CNTNAP2: variants seen among roughly 807,000 people sequenced by gnomAD.
CNTNAP2 encodes the protein contactin-associated protein-like 2.
In CNTNAP2, 98 loss-of-function variants were observed where a neutral mutation model predicts 155.2. The observed-to-expected ratio is 0.63, with a 90% CI of 0.54 to 0.75. CNTNAP2 has a LOEUF of 0.75. CNTNAP2 is among the 30% of genes least tolerant of loss of function. CNTNAP2 has a pLI of 0.00. For missense variants in CNTNAP2, 1,727 were observed against 1,688.1 expected (o/e 1.02, Z -0.40); for synonymous variants, 651 against 631.2 (o/e 1.03, Z -0.47).
At chr7:147,666,884 C>T (rs1795705216) in intron 13 of CNTNAP2, among the ~76,000 whole-genome samples, 2 of 152,054 alleles carry the variant, frequency 1.3e-5, no homozygotes, top group South Asian at 4.2e-4. Flanking sequence ...AGAATGAGAA[C>T]AAAATGATGG....
intron 14 of CNTNAP2, among the ~76,000 whole-genome samples, chr7:147,940,747 T>C (rs954824910): frequency 6.6e-6 from 1 of 152,088 alleles, no homozygotes; most frequent in African/African-American, 2.4e-5. Context: ...TTGCCCAGGA[T>C]GGTTGGTCTA....
chr7:148,102,561 G>C (rs372166163), intron 15 of CNTNAP2, among the ~76,000 whole-genome samples: 22 of 152,326 alleles, frequency 1.4e-4, no homozygotes, highest in East Asian at 1.2e-3. Flanking sequence ...GGAAATGTAA[G>C]TGAAATCCCA....
chr7:146,774,278 T>C lies in CNTNAP2; in HGVS notation c.105T>C (p.Cys35=). The C allele has an allele frequency of 6.2e-7, 1 of 1,613,396 alleles. No individual in the cohort carries two copies. The highest frequency in any genetic ancestry group is 2.2e-5 in the East Asian group (1 of 44,854). Residue 35 remains cysteine, a synonymous_variant, in exon 2 of 24, where the codon TGT becomes TGC. Transcript: ENST00000361727. ...AWTAPSTSQK[C]DEPLVSGLPH... is the part of the protein sequence containing the mutation. ...TCTGTCTTTTGTTTTCAGAAAAATGTGATGAGCCACTTGTCTCTGGACTCC... is the reference window on the plus strand; with the variant it reads ...TCTGTCTTTTGTTTTCAGAAAAATGCGATGAGCCACTTGTCTCTGGACTCC...
chr7:146,721,875 G>GTGTGTATATATATATA (rs1332551916), intron 1 of CNTNAP2, among the ~76,000 whole-genome samples: 1 of 76,698 alleles, frequency 1.3e-5, no homozygotes, highest in African/African-American at 1.8e-4. Context: ...GTGTGTGTGT[G>GTGTGTATATATATATA]TATATATATA....
intron 2 of CNTNAP2, among the ~76,000 whole-genome samples, chr7:146,782,997 T>A (rs1802516557): frequency 6.6e-6 from 1 of 152,174 alleles, no homozygotes; most frequent in Admixed American, 6.5e-5. Context: ...TCATAATAAT[T>A]TAAAAATTAG....
chr7:147,536,708 G>A (rs1310872901), intron 11 of CNTNAP2, among the ~76,000 whole-genome samples: 2 of 152,230 alleles, frequency 1.3e-5, no homozygotes, highest in East Asian at 1.9e-4. Context: ...AACACGCAGC[G>A]TTCTCTGACT....
In CNTNAP2 at chr7:148,373,018, C is replaced by T. The variant is rs574646565; in HGVS notation, c.3476-10631C>T. Among the ~76,000 whole-genome samples, 375 of 152,310 alleles carry T rather than the reference C, an allele frequency of 2.5e-3. 2 individuals are homozygous for T. The highest frequency in any genetic ancestry group is 8.1e-3 in the African/African-American group (337 of 41,568). ...CATCAATACCACTGTCTTCCACCTGCACACCTTGTCACACTGGGAGGTCTT... is the reference window on the plus strand; with the variant it reads ...CATCAATACCACTGTCTTCCACCTGTACACCTTGTCACACTGGGAGGTCTT... On this transcript the variant is annotated intron_variant, in intron 21 of 23. Coordinates refer to ENST00000361727, the MANE Select transcript of CNTNAP2 (RefSeq NM_014141.6).
intron 17 of CNTNAP2, among the ~76,000 whole-genome samples, chr7:148,170,532 T>G (rs1366460195): frequency 6.6e-6 from 1 of 152,214 alleles, no homozygotes; most frequent in Admixed American, 6.5e-5. Context: ...TTTAATAACT[T>G]CTTTTGCCAT....
At chr7:147,949,092 T>C in intron 14 of CNTNAP2, among the ~76,000 whole-genome samples, 1 of 151,322 alleles carries the variant, frequency 6.6e-6, no homozygotes, top group Non-Finnish European at 1.5e-5. Flanking sequence ...TCCCAGCTAC[T>C]CAGGAGGCTG....
intron 1 of CNTNAP2, among the ~76,000 whole-genome samples, chr7:146,435,408 A>G (rs954964013): frequency 2.0e-5 from 3 of 152,200 alleles, no homozygotes; most frequent in African/African-American, 7.2e-5. Flanking sequence ...TTTCCATTTC[A>G]GTTCTGCGTC....
At chr7:148,162,203 T>A (rs1303627894) in intron 17 of CNTNAP2, among the ~76,000 whole-genome samples, 1 of 152,182 alleles carries the variant, frequency 6.6e-6, no homozygotes, top group Non-Finnish European at 1.5e-5. Context: ...AGAAAGAGGA[T>A]GCTTATTTTA....
chr7:147,483,224 TAAA>T (rs1326583857), intron 10 of CNTNAP2, among the ~76,000 whole-genome samples: 1 of 90,126 alleles, frequency 1.1e-5, no homozygotes, highest in Non-Finnish European at 2.4e-5. Context: ...AGAAAAAAAT[TAAA>T]AATAATACGA....
chr7:147,822,437 A>G (rs1798376772), intron 13 of CNTNAP2, among the ~76,000 whole-genome samples: 1 of 152,278 alleles, frequency 6.6e-6, no homozygotes, highest in East Asian at 1.9e-4. Flanking sequence ...ATAAATCCAA[A>G]AAGAGTCTAT....
chr7:147,044,940 C>T (rs1799328377), intron 4 of CNTNAP2, among the ~76,000 whole-genome samples: 1 of 152,066 alleles, frequency 6.6e-6, no homozygotes, highest in African/African-American at 2.4e-5. Flanking sequence ...TTATTTGCTT[C>T]TGTGAAGGCG....
chr7:147,522,289 G>T (rs1799241935), intron 11 of CNTNAP2, among the ~76,000 whole-genome samples: 2 of 152,060 alleles, frequency 1.3e-5, no homozygotes, highest in African/African-American at 4.8e-5. Context: ...ATACTTACTG[G>T]TTTTTTATTT....
At chr7:147,693,114 A>G (rs1000689700) in intron 13 of CNTNAP2, among the ~76,000 whole-genome samples, 1 of 152,000 alleles carries the variant, frequency 6.6e-6, no homozygotes, top group Non-Finnish European at 1.5e-5. Flanking sequence ...GAAGAAAACT[A>G]TCTTTTCTTC....
intron 4 of CNTNAP2, among the ~76,000 whole-genome samples, chr7:147,060,725 G>C (rs761738911): frequency 3.9e-5 from 6 of 152,070 alleles, no homozygotes; most frequent in Non-Finnish European, 8.8e-5. Flanking sequence ...TTAGCCAGGC[G>C]TGGTGGCGGG....
intron 12 of CNTNAP2, among the ~76,000 whole-genome samples, chr7:147,636,508 G>A (rs370446797): frequency 8.5e-5 from 13 of 152,104 alleles, no homozygotes; most frequent in African/African-American, 3.1e-4. Context: ...CATGTGCCAT[G>A]GTGGTTTGCC....
At chr7:148,020,841 A>G (rs749459135) in intron 15 of CNTNAP2, among the ~76,000 whole-genome samples, 2 of 152,248 alleles carry the variant, frequency 1.3e-5, no homozygotes, top group Non-Finnish European at 2.9e-5. Flanking sequence ...GGAGCCCAGC[A>G]TGACTTGAAT....
Sources: allele counts gnomAD v4.1 joint callset (sites outside exome capture counted in the v4.1 genomes callset), GRCh38; gene constraint gnomAD v4.1.1; transcripts MANE v1.5; gene names NCBI Gene and HGNC (gene_info 2026-07-23, HGNC 2026-07-21).